The following CPLANE2 variants were observed in gnomAD, a reference collection of about 807,000 sequenced individuals.
CPLANE2 encodes ciliogenesis and planar polarity effector 2.
A neutral mutation model predicts 20.9 loss-of-function variants in CPLANE2; 24 were observed. The observed-to-expected ratio is 1.15, with a 90% CI of 0.83 to 1.61. The LOEUF (loss-of-function observed/expected upper bound fraction) is 1.61, where lower values mean the gene tolerates loss of function less well. CPLANE2 is among the 40% of genes most tolerant of loss of function. CPLANE2 has a pLI of 0.00. For missense variants in CPLANE2, 330 were observed against 355.1 expected, an observed-to-expected ratio of 0.93 and a Z score of 0.57; for synonymous variants, 132 against 144.3, an observed-to-expected ratio of 0.92 and a Z score of 0.61.
At chr1:16,233,123 G>T in intron 2 of CPLANE2, 106 bp from the exon 3 acceptor site, 1 of 1,314,374 alleles carries the variant, frequency 7.6e-7, no homozygotes, top group Non-Finnish European at 1.1e-6. Context: ...GCCCTGATGG[G>T]TCCCTAGTTT....
Position 16,232,134 on chromosome 1 carries a change from G to C in CPLANE2, c.691C>G (p.Leu231Val). 6.2e-7 allele frequency: 1 copy of C among 1,613,550 alleles called. No individual in the cohort carries two copies. The highest frequency in any genetic ancestry group is 8.5e-7 in the Non-Finnish European group (1 of 1,180,018). The change falls in exon 5 of 5, where the codon CTC becomes GTC. Residue 231 changes from leucine to valine, a missense_variant. By Grantham distance (32) the Leu-to-Val change is conservative (BLOSUM62 1). Transcript: ENST00000375599. The stretch of plus-strand genomic sequence containing the variant: ...CACAGCTGCTCAGCAAGGCCATTGA[G>C]TATGTGGGCAACGTCGGCCAGCCCA... ...RAGLADVAHI[L>V]NGLAEQLWHQ...
At chr1:16,233,792 T>A (rs1238628010) in intron 1 of CPLANE2, 28 bp from the exon 2 acceptor site, 1 of 1,613,234 alleles carries the variant, frequency 6.2e-7, no homozygotes, top group Non-Finnish European at 8.5e-7. Context: ...CCAGGCAGGG[T>A]CAAGGGGTGC....
intron 1 of CPLANE2, among the ~76,000 whole-genome samples, chr1:16,234,235 A>T (rs958352490): frequency 2.0e-5 from 3 of 152,060 alleles, no homozygotes; most frequent in Admixed American, 6.6e-5. Context: ...CTCCATCTCT[A>T]CAAAAAAAAA....
chr1:16,233,873 TG>T, intron 1 of CPLANE2, 109 bp from the exon 2 acceptor site: 1 of 1,191,422 alleles, frequency 8.4e-7, no homozygotes, highest in Non-Finnish European at 1.2e-6. Flanking sequence ...TGTTAGGAAG[TG>T]GGGCCTAACA....
intron 1 of CPLANE2, among the ~76,000 whole-genome samples, chr1:16,234,459 G>A (rs971032200): frequency 4.6e-5 from 7 of 152,158 alleles, no homozygotes; most frequent in Non-Finnish European, 8.8e-5. Context: ...AGCATAAAAT[G>A]GACTAAGACG....
chr1:16,233,136 T>A, intron 2 of CPLANE2, 119 bp from the exon 3 acceptor site: 1 of 1,139,912 alleles, frequency 8.8e-7, no homozygotes, highest in Non-Finnish European at 1.3e-6. Flanking sequence ...CCTAGTTTGA[T>A]GAGGGAGGCA....
Position 16,231,853 on chromosome 1 carries a change from G to T in CPLANE2, c.*195C>A. 2 of 744,238 alleles carry T rather than the reference G, an allele frequency of 2.7e-6. No homozygotes were observed. Among genetic ancestry groups the T allele is most frequent in the Non-Finnish European group, 4.3e-6 (2 of 469,688 alleles). The allele number at this position is 744,238 out of a possible 1,614,324, so 46.1% of individuals were successfully genotyped here. A position where few individuals can be genotyped will look rare whatever the true frequency, so the allele number is the denominator to read the frequency against. ...GCCACGGGAGATGTTCGAGCTCAGGGCCTTGGTCCCCACCTCCCTGCCATG... is the reference window on the plus strand; with the variant it reads ...GCCACGGGAGATGTTCGAGCTCAGGTCCTTGGTCCCCACCTCCCTGCCATG... On this transcript the variant is annotated 3_prime_UTR_variant, in exon 5 of 5. Transcript: ENST00000375599.
At chr1:16,233,395 G>C (rs1038636215) in intron 2 of CPLANE2, among the ~76,000 whole-genome samples, 1 of 152,204 alleles carries the variant, frequency 6.6e-6, no homozygotes, top group African/African-American at 2.4e-5. Flanking sequence ...AGCGTAGCTT[G>C]ATGCTAGGCA....
chr1:16,236,828 G>T lies in CPLANE2; in HGVS notation c.-86C>A. The T allele has an allele frequency of 2.0e-6, 2 of 1,025,462 alleles. No homozygotes were observed. Among genetic ancestry groups the T allele is most frequent in the Non-Finnish European group, 3.0e-6 (2 of 671,954 alleles). The allele number at this position is 1,025,462 out of a possible 1,614,324, so 63.5% of individuals were successfully genotyped here. ...GGAGTGACAGTACCAAGCCGGGCCT[G>T]TGATCCCTCTTAACTGCCCTCTGAC... On this transcript the variant is annotated 5_prime_UTR_variant, in exon 1 of 5. Transcript: ENST00000375599.
Position 16,236,646 on chromosome 1 carries a change from G to C in CPLANE2, c.97C>G (p.Arg33Gly), listed in dbSNP as rs762224231. ...AGGCACTTACCAAACACCCGCCGGC[G>C]GTTCTTGCGCAGAATGCAAGCCAGG... ...EYLACILRKN[R>G]RRVFGLLERP... Residue 33 changes from arginine to glycine, a missense_variant, in exon 1 of 5, where the codon CGC (arginine) becomes GGC (glycine). Coordinates refer to ENST00000375599, the MANE Select transcript of CPLANE2 (RefSeq NM_030907.4). 3.9e-6 allele frequency: 6 copies of C among 1,556,812 alleles called. No homozygotes were observed. The highest frequency in any genetic ancestry group is 4.4e-6 in the Non-Finnish European group (5 of 1,149,194).
intron 1 of CPLANE2, among the ~76,000 whole-genome samples, chr1:16,235,967 G>A (rs1226274190): frequency 2.6e-5 from 4 of 152,084 alleles, no homozygotes; most frequent in Non-Finnish European, 5.9e-5. Context: ...AGGCCACTGC[G>A]CCCAGCCTTC....
intron 2 of CPLANE2, 64 bp from the exon 3 acceptor site, chr1:16,233,081 C>G (rs956396437): frequency 6.3e-6 from 10 of 1,585,776 alleles, no homozygotes; most frequent in Non-Finnish European, 7.8e-6. Flanking sequence ...AATAGGGGAC[C>G]AGGAAGGAAT....
At position 16,232,618 on chromosome 1, in the gene CPLANE2, A is replaced by G. The variant is rs1369814139; in HGVS notation, c.419T>C (p.Leu140Pro). ...ACGGTCAGTGAAGGAGAAGAGGAAGAGGAAGGCATCTGTGTTCTCCATGCA... is the reference window on the plus strand; with the variant it reads ...ACGGTCAGTGAAGGAGAAGAGGAAGGGGAAGGCATCTGTGTTCTCCATGCA... Reference protein sequence around the residue: ...LACMENTDAFLFLFSFTDRAS... With the variant: ...LACMENTDAFPFLFSFTDRAS... Residue 140 changes from leucine (L) to proline (P), a missense_variant, in exon 4 of 5, where the codon CTC becomes CCC. Coordinates refer to ENST00000375599, the MANE Select transcript of CPLANE2 (RefSeq NM_030907.4). The G allele has an allele frequency of 6.2e-7, 1 of 1,614,112 alleles. No individual in the cohort carries two copies. The highest frequency in any genetic ancestry group is 1.7e-5 in the Admixed American group (1 of 60,016).
chr1:16,235,370 C>T (rs995156583), intron 1 of CPLANE2, among the ~76,000 whole-genome samples: 2 of 152,226 alleles, frequency 1.3e-5, no homozygotes, highest in African/African-American at 4.8e-5. Context: ...AATTCTCTTC[C>T]ACTCAACACA....
chr1:16,235,916 G>A (rs1434788692), intron 1 of CPLANE2, among the ~76,000 whole-genome samples: 2 of 152,040 alleles, frequency 1.3e-5, no homozygotes, highest in African/African-American at 4.8e-5. Flanking sequence ...CCTGACCTCA[G>A]GTGATTTGCC....
At position 16,236,609 on chromosome 1, in the gene CPLANE2, G is replaced by T. The variant is rs1469860834; in HGVS notation, c.112+22C>A. The T allele has an allele frequency of 2.6e-6, 4 of 1,520,810 alleles. No homozygotes were observed. The Admixed American group carries it at 5.9e-5, about 22-fold the overall frequency. The allele number at this position is 1,520,810 out of a possible 1,614,324, so 94.2% of individuals were successfully genotyped here. ...CCAGGGAAAGACAAGTGGCGGGCTAGAGGAAAGGGGGAGGCACTTACCAAA... is the reference window on the plus strand; with the variant it reads ...CCAGGGAAAGACAAGTGGCGGGCTATAGGAAAGGGGGAGGCACTTACCAAA... On this transcript the variant is annotated intron_variant, in intron 1 of 4. Coordinates refer to ENST00000375599, the MANE Select transcript of CPLANE2 (RefSeq NM_030907.4).
At chr1:16,233,890 TG>T in intron 1 of CPLANE2, 126 bp from the exon 2 acceptor site, 1 of 997,668 alleles carries the variant, frequency 1.0e-6, no homozygotes, top group Non-Finnish European at 1.5e-6. Context: ...TAACACAAGG[TG>T]ATCAGCTGCC....
intron 1 of CPLANE2, 84 bp from the exon 2 acceptor site, chr1:16,233,848 T>A: frequency 6.8e-7 from 1 of 1,474,060 alleles, no homozygotes; most frequent in Non-Finnish European, 9.4e-7. Context: ...GGAAACTTAA[T>A]CGCCAATGCA....
chr1:16,234,890 G>T (rs1020066423), intron 1 of CPLANE2, among the ~76,000 whole-genome samples: 2 of 152,086 alleles, frequency 1.3e-5, no homozygotes, highest in African/African-American at 2.4e-5. Context: ...ACCATGCCTG[G>T]CTAATTTTGT....
Sources: allele counts gnomAD v4.1 joint callset (sites outside exome capture counted in the v4.1 genomes callset), GRCh38; gene constraint gnomAD v4.1.1; transcripts MANE v1.5; gene names NCBI Gene and HGNC (gene_info 2026-07-23, HGNC 2026-07-21).